SLC38A9: variants seen among roughly 807,000 people sequenced by gnomAD.
The protein encoded by SLC38A9 is solute carrier family 38 member 9.
Under a neutral mutation model 62.3 loss-of-function variants are expected in SLC38A9, and 48 were observed. The observed-to-expected ratio is 0.77, with a 90% CI of 0.61 to 0.98. SLC38A9 has a LOEUF of 0.98. Among genes scored for constraint, SLC38A9 ranks in the 50% least tolerant of loss-of-function variants. SLC38A9 has a pLI of 0.00. For synonymous variants in SLC38A9, 204 were observed against 227.7 expected, an observed-to-expected ratio of 0.90 and a Z score of 0.94; for missense variants, 541 against 679.8, an observed-to-expected ratio of 0.80 and a Z score of 2.27.
At position 55,642,053 on chromosome 5, in the gene SLC38A9, T is replaced by C. The variant is rs1745518429; in HGVS notation, c.1167+3736A>G. ...TTCCCCTTCCCCTTTCCCTTCCTTG[T>C]TTCTTTTTTGAGACGGAGTCTCACT... On this transcript the variant is annotated intron_variant, in intron 12 of 15. Transcript: ENST00000396865. Among the ~76,000 whole-genome samples the C allele has an allele frequency of 2.0e-5, 3 of 152,200 alleles. No individual in the cohort carries two copies. The South Asian group carries it at 6.2e-4, about 32-fold the overall frequency.
intron 12 of SLC38A9, 72 bp from the exon 13 acceptor site, chr5:55,635,729 G>T: frequency 1.1e-6 from 1 of 920,110 alleles, no homozygotes; most frequent in Non-Finnish European, 1.7e-6. Flanking sequence ...AGGCTAAGGA[G>T]ACTAACAAAT....
At chr5:55,647,719 GTAAA>G (rs1050757435) in intron 11 of SLC38A9, among the ~76,000 whole-genome samples, 13 of 152,142 alleles carry the variant, frequency 8.5e-5, no homozygotes, top group Admixed American at 7.2e-4. Context: ...ATTACAGTGG[GTAAA>G]TAGTCAGCTT....
At chr5:55,679,993 A>C (rs773704573) in intron 3 of SLC38A9, among the ~76,000 whole-genome samples, 2 of 152,266 alleles carry the variant, frequency 1.3e-5, no homozygotes, top group Non-Finnish European at 2.9e-5. Flanking sequence ...ATAAATAAAG[A>C]GTAACTGCAA....
intron 2 of SLC38A9, among the ~76,000 whole-genome samples, chr5:55,700,886 T>A (rs1050956031): frequency 6.6e-6 from 1 of 152,188 alleles, no homozygotes; most frequent in African/African-American, 2.4e-5. Context: ...TCTGTCTCCT[T>A]TGCTGCTTTC....
intron 12 of SLC38A9, among the ~76,000 whole-genome samples, chr5:55,641,003 A>C (rs1325545240): frequency 2.0e-5 from 3 of 151,470 alleles, no homozygotes; most frequent in Admixed American, 2.0e-4. Flanking sequence ...CGCCCAGCTA[A>C]TTTTTTTTGT....
At chr5:55,694,925 G>A (rs1755274114) in intron 3 of SLC38A9, among the ~76,000 whole-genome samples, 1 of 152,038 alleles carries the variant, frequency 6.6e-6, no homozygotes, top group African/African-American at 2.4e-5. Flanking sequence ...GCTAATTTTT[G>A]TACTTTTAGT....
chr5:55,678,094 ACT>A (rs566160053), intron 3 of SLC38A9, among the ~76,000 whole-genome samples: 2 of 150,034 alleles, frequency 1.3e-5, no homozygotes, highest in South Asian at 4.2e-4. Context: ...AGAGAGAAAA[ACT>A]CAGACTAGAC....
At chr5:55,705,203 A>C (rs1047047879) in intron 2 of SLC38A9, among the ~76,000 whole-genome samples, 1 of 152,162 alleles carries the variant, frequency 6.6e-6, no homozygotes, top group Non-Finnish European at 1.5e-5. Flanking sequence ...TGACCTTTAT[A>C]TAATAGAATT....
intron 8 of SLC38A9, among the ~76,000 whole-genome samples, chr5:55,664,300 A>G (rs188572699): frequency 7.0e-4 from 107 of 152,290 alleles, no homozygotes; most frequent in African/African-American, 2.5e-3. Context: ...TAATATATTT[A>G]TCACATAAAT....
At chr5:55,667,628 C>A (rs1474088326) in intron 7 of SLC38A9, among the ~76,000 whole-genome samples, 10 of 151,966 alleles carry the variant, frequency 6.6e-5, no homozygotes, top group Admixed American at 6.6e-4. Flanking sequence ...TTTTACGTTT[C>A]TATATTATTT....
At chr5:55,703,865 A>G (rs1054256249) in intron 2 of SLC38A9, among the ~76,000 whole-genome samples, 1 of 152,224 alleles carries the variant, frequency 6.6e-6, no homozygotes, top group African/African-American at 2.4e-5. Flanking sequence ...TTCTATATAA[A>G]TAGGCCTGGC....
chr5:55,694,250 T>C, intron 3 of SLC38A9: 1 of 220,732 alleles, frequency 4.5e-6, no homozygotes, highest in Non-Finnish European at 9.4e-6. Flanking sequence ...GACAATATGA[T>C]AGTAGTTATT....
intron 12 of SLC38A9, among the ~76,000 whole-genome samples, chr5:55,643,462 C>T (rs1173788338): frequency 6.6e-6 from 1 of 152,138 alleles, no homozygotes; most frequent in Admixed American, 6.5e-5. Flanking sequence ...TATGGTCTAT[C>T]TTGGAAAATG....
intron 8 of SLC38A9, among the ~76,000 whole-genome samples, chr5:55,662,583 T>G (rs868052341): frequency 6.6e-6 from 1 of 151,224 alleles, no homozygotes; most frequent in Non-Finnish European, 1.5e-5. Flanking sequence ...GGCAGGAGAA[T>G]CGCTTGAACC....
chr5:55,630,567 TG>T (rs1373789022), intron 14 of SLC38A9, among the ~76,000 whole-genome samples: 4 of 152,136 alleles, frequency 2.6e-5, no homozygotes, highest in African/African-American at 9.7e-5. Flanking sequence ...CCACCCGCCT[TG>T]GCCTCCCAAA....
intron 7 of SLC38A9, among the ~76,000 whole-genome samples, chr5:55,665,312 G>A (rs983852365): frequency 6.6e-6 from 1 of 151,980 alleles, no homozygotes; most frequent in Non-Finnish European, 1.5e-5. Flanking sequence ...TTGGGAGGCC[G>A]AGGCACGCAG....
chr5:55,698,064 GA>G, intron 2 of SLC38A9, 72 bp from the exon 3 acceptor site: 1 of 589,816 alleles, frequency 1.7e-6, no homozygotes, highest in Non-Finnish European at 2.9e-6. Flanking sequence ...AAATATTCAT[GA>G]ATAACAAATT....
intron 9 of SLC38A9, 140 bp from the exon 10 acceptor site, chr5:55,652,863 T>C: frequency 3.4e-6 from 2 of 588,912 alleles, no homozygotes; most frequent in Non-Finnish European, 5.5e-6. Flanking sequence ...ATTTCTCTTT[T>C]CTGGAAAAAA....
At chr5:55,638,791 T>G (rs1405474572) in intron 12 of SLC38A9, among the ~76,000 whole-genome samples, 4 of 152,024 alleles carry the variant, frequency 2.6e-5, no homozygotes, top group Non-Finnish European at 5.9e-5. Flanking sequence ...AATCACAATA[T>G]GAGGTATTTC....
Sources: gnomAD v4.1 joint callset for allele counts (sites outside exome capture counted in the v4.1 genomes callset) on GRCh38, gnomAD v4.1.1 for gene constraint, MANE v1.5 for transcripts, NCBI Gene and HGNC (gene_info 2026-07-23, HGNC 2026-07-21) for gene names.